Variants in NTM observed in about 807,000 individuals in gnomAD.
The protein encoded by NTM is neurotrimin, also known as IgLON family member 2.
In NTM, 13 loss-of-function variants were observed where a neutral mutation model predicts 42.1. The ratio of observed to expected loss-of-function variants is 0.31; its 90% CI spans 0.20 to 0.49. The LOEUF (loss-of-function observed/expected upper bound fraction) is 0.49. Ranked by LOEUF, NTM falls within the 20% of genes least tolerant of loss-of-function variation. The probability of loss-of-function intolerance (pLI) is 0.99; values close to 1 mark genes in which losing one functional copy is unlikely to be tolerated. For missense variants in NTM, 373 were observed against 452.8 expected (o/e 0.82, Z 1.60); for synonymous variants, 187 against 179.2 (o/e 1.04, Z -0.35).
intron 2 of NTM, among the ~76,000 whole-genome samples, chr11:131,943,172 T>G (rs1056140670): frequency 6.6e-6 from 1 of 152,136 alleles, no homozygotes; most frequent in African/African-American, 2.4e-5. Flanking sequence ...GAGTTGCTTA[T>G]CAGTTTGGTT....
chr11:131,396,582 A>G (rs1944583010), intron 1 of NTM, among the ~76,000 whole-genome samples: 1 of 152,198 alleles, frequency 6.6e-6, no homozygotes, highest in African/African-American at 2.4e-5. Flanking sequence ...TAATCCCAGC[A>G]CTTTGGGAGG....
At chr11:131,898,057 A>C (rs1315869224) in intron 1 of NTM, among the ~76,000 whole-genome samples, 1 of 152,144 alleles carries the variant, frequency 6.6e-6, no homozygotes, top group East Asian at 1.9e-4. Context: ...TCTTGGATGG[A>C]GAGTGCTAGG....
Position 132,160,508 on chromosome 11 carries a change from C to T in NTM, c.400+13994C>T, listed in dbSNP as rs184056563. On this transcript the variant is annotated intron_variant, in intron 3 of 8. Coordinates refer to ENST00000683400, the MANE Select transcript of NTM (RefSeq NM_001352005.2). ...ATCATCTTTTCTTCCTTCCTTCACC[C>T]ATCAAATATTCCATGAACATCTACT... 6.6e-5 allele frequency among the ~76,000 whole-genome samples: 10 copies of T among 152,296 alleles called. No individual in the cohort carries two copies. In the East Asian group the frequency reaches 1.9e-3, roughly 29 times the overall value.
At chr11:132,193,749 A>G (rs1370604838) in intron 3 of NTM, among the ~76,000 whole-genome samples, 1 of 152,026 alleles carries the variant, frequency 6.6e-6, no homozygotes, top group Non-Finnish European at 1.5e-5. Context: ...AATAAGAGAG[A>G]AGATGCAAAC....
chr11:132,054,236 C>T (rs1450367839), intron 2 of NTM, among the ~76,000 whole-genome samples: 1 of 152,086 alleles, frequency 6.6e-6, no homozygotes. Flanking sequence ...CAAAATAAAT[C>T]AAAATATTGT....
intron 1 of NTM, among the ~76,000 whole-genome samples, chr11:131,548,025 C>CA (rs2054172445): frequency 6.6e-6 from 1 of 152,184 alleles, no homozygotes; most frequent in African/African-American, 2.4e-5. Context: ...AACTCATCAT[C>CA]TACCACATAC....
chr11:131,648,856 A>AATAT (rs1385540584), intron 1 of NTM, among the ~76,000 whole-genome samples: 16 of 152,202 alleles, frequency 1.1e-4, no homozygotes, highest in Non-Finnish European at 2.4e-4. Context: ...TTTCTCTGGG[A>AATAT]GGCCTTTTTA....
chr11:131,583,547 C>A (rs1291526440), intron 1 of NTM, among the ~76,000 whole-genome samples: 3 of 152,136 alleles, frequency 2.0e-5, no homozygotes, highest in Admixed American at 6.5e-5. Flanking sequence ...GAAGAGTAAT[C>A]GCGCCTTACC....
At chr11:131,558,652 A>G (rs2055782519) in intron 1 of NTM, among the ~76,000 whole-genome samples, 1 of 152,216 alleles carries the variant, frequency 6.6e-6, no homozygotes, top group Non-Finnish European at 1.5e-5. Flanking sequence ...GCAATGTCCT[A>G]GTAACCCAGG....
intron 1 of NTM, among the ~76,000 whole-genome samples, chr11:131,478,242 A>T (rs1361330333): frequency 6.6e-5 from 10 of 152,070 alleles, no homozygotes; most frequent in African/African-American, 2.4e-4. Flanking sequence ...TTTGAACTCA[A>T]AATTTTGCAT....
chr11:131,868,949 A>G (rs1343103001), intron 1 of NTM, among the ~76,000 whole-genome samples: 1 of 152,158 alleles, frequency 6.6e-6, no homozygotes, highest in African/African-American at 2.4e-5. Flanking sequence ...TAGGAACTCA[A>G]TAAAGTTTTG....
intron 1 of NTM, among the ~76,000 whole-genome samples, chr11:131,808,498 A>C (rs2092608247): frequency 6.6e-6 from 1 of 152,256 alleles, no homozygotes; most frequent in Non-Finnish European, 1.5e-5. Context: ...TGTGAACTTA[A>C]GAAAGCCATA....
intron 1 of NTM, among the ~76,000 whole-genome samples, chr11:131,446,995 G>A (rs541282133): frequency 2.2e-4 from 34 of 152,024 alleles, no homozygotes; most frequent in African/African-American, 8.2e-4. Context: ...AGATAGAAAT[G>A]GAATATGCAT....
intron 1 of NTM, among the ~76,000 whole-genome samples, chr11:131,424,600 C>CTTTTATTTTTTTTTTTTTTTTTT (rs1555108116): frequency 1.8e-5 from 1 of 56,052 alleles, no homozygotes; most frequent in Non-Finnish European, 3.2e-5. Context: ...CTTTTCTTTT[C>CTTTTATTTTTTTTTTTTTTTTTT]TTTTTTTTTT....
chr11:132,320,860 C>T (rs1344906532), intron 7 of NTM, among the ~76,000 whole-genome samples: 73 of 151,696 alleles, frequency 4.8e-4, no homozygotes, highest in Middle Eastern at 6.8e-3. Context: ...TCAAGTGGGT[C>T]CCTGACCCCT....
At chr11:131,396,615 C>G (rs1944587985) in intron 1 of NTM, among the ~76,000 whole-genome samples, 1 of 152,086 alleles carries the variant, frequency 6.6e-6, no homozygotes, top group South Asian at 2.1e-4. Context: ...AGGTGGATTA[C>G]TTGAGGTCAG....
intron 1 of NTM, among the ~76,000 whole-genome samples, chr11:131,376,188 G>A (rs1322911664): frequency 6.6e-6 from 1 of 152,146 alleles, no homozygotes; most frequent in Non-Finnish European, 1.5e-5. Context: ...CGGACCATGG[G>A]CGAGTTCAGC....
chr11:132,315,577 G>A (rs189890491), intron 7 of NTM, among the ~76,000 whole-genome samples: 8 of 152,276 alleles, frequency 5.3e-5, no homozygotes, highest in African/African-American at 1.9e-4. Flanking sequence ...AATGTGATGG[G>A]GAAGTAAGGG....
chr11:131,864,948 G>T (rs1047504701), intron 1 of NTM, among the ~76,000 whole-genome samples: 7 of 152,204 alleles, frequency 4.6e-5, no homozygotes, highest in African/African-American at 1.7e-4. Flanking sequence ...GCCTGAGCTT[G>T]GGAAAGAGGA....
Sources: allele counts gnomAD v4.1 joint callset (sites outside exome capture counted in the v4.1 genomes callset), GRCh38; gene constraint gnomAD v4.1.1; transcripts MANE v1.5; gene names NCBI Gene and HGNC (gene_info 2026-07-23, HGNC 2026-07-21).